Variants in ESRRG observed in about 807,000 individuals in gnomAD.
The protein encoded by ESRRG is estrogen related receptor gamma, also known as estrogen-related receptor gamma.
Under a neutral mutation model 44.0 loss-of-function variants are expected in ESRRG, and 13 were observed. That is an observed-to-expected ratio of 0.30 (90% CI 0.19 to 0.47). The LOEUF (loss-of-function observed/expected upper bound fraction) is 0.47. ESRRG is among the 20% of genes least tolerant of loss of function. The pLI is 1.00. For synonymous variants in ESRRG, 215 were observed against 214.6 expected (o/e 1.00, Z -0.02); for missense variants, 395 against 580.6 (o/e 0.68, Z 3.29).
At chr1:216,896,284 A>G (rs879735952) in intron 2 of ESRRG, among the ~76,000 whole-genome samples, 3 of 152,174 alleles carry the variant, frequency 2.0e-5, no homozygotes, top group Admixed American at 2.0e-4. Context: ...GGCCATTGCA[A>G]TTTTTCAGTC....
intron 3 of ESRRG, among the ~76,000 whole-genome samples, chr1:216,613,494 T>C (rs1007631095): frequency 2.0e-5 from 3 of 152,202 alleles, no homozygotes; most frequent in African/African-American, 7.2e-5. Flanking sequence ...TTCTGGGAAA[T>C]TGACCACAAA....
intron 2 of ESRRG, among the ~76,000 whole-genome samples, chr1:216,824,949 T>C (rs2095365009): frequency 6.6e-6 from 1 of 152,208 alleles, no homozygotes; most frequent in Non-Finnish European, 1.5e-5. Flanking sequence ...CTGCATGTAG[T>C]CTTGCTTGGA....
At chr1:216,694,708 C>G (rs886475808) in intron 1 of ESRRG, among the ~76,000 whole-genome samples, 2 of 151,928 alleles carry the variant, frequency 1.3e-5, no homozygotes, top group African/African-American at 4.8e-5. Context: ...AGGTGCGTGC[C>G]ACCACACCTG....
intron 3 of ESRRG, among the ~76,000 whole-genome samples, chr1:216,576,180 C>G (rs973803829): frequency 6.6e-6 from 1 of 152,004 alleles, no homozygotes; most frequent in African/African-American, 2.4e-5. Flanking sequence ...CCACTAAACT[C>G]CCCCAGCCAA....
chr1:216,924,015 A>G (rs2062183339), intron 2 of ESRRG, among the ~76,000 whole-genome samples: 1 of 152,218 alleles, frequency 6.6e-6, no homozygotes, highest in South Asian at 2.1e-4. Context: ...AAGAGCTTTC[A>G]AAATGAGGGA....
intron 2 of ESRRG, among the ~76,000 whole-genome samples, chr1:216,856,918 T>A (rs1374416838): frequency 3.9e-5 from 6 of 152,270 alleles, no homozygotes; most frequent in South Asian, 2.1e-4. Context: ...TGTCTTTTTT[T>A]AAAAATAAAT....
At chr1:216,783,266 C>T (rs981839012) in intron 2 of ESRRG, among the ~76,000 whole-genome samples, 1 of 151,910 alleles carries the variant, frequency 6.6e-6, no homozygotes, top group African/African-American at 2.4e-5. Flanking sequence ...CAGGAGGGAC[C>T]CTCCACAGAG....
chr1:217,130,909 A>T (rs747710952), intron 1 of ESRRG, among the ~76,000 whole-genome samples: 4 of 152,078 alleles, frequency 2.6e-5, no homozygotes, highest in Non-Finnish European at 4.4e-5. Context: ...TTTAACTATT[A>T]AGACGTTAGC....
intron 3 of ESRRG, among the ~76,000 whole-genome samples, chr1:216,645,340 C>T (rs1037052959): frequency 5.3e-5 from 8 of 152,036 alleles, no homozygotes; most frequent in Admixed American, 3.9e-4. Context: ...TAGTCATCAT[C>T]ATCATCATCA....
Position 216,644,427 on chromosome 1 carries a change from CTTTTTT to C in ESRRG, c.589+6540_589+6545del, listed in dbSNP as rs71161439. 1.7e-3 allele frequency among the ~76,000 whole-genome samples: 219 copies of C among 128,480 alleles called. 6 individuals carry two copies. The East Asian group carries it at 0.044, about 26-fold the overall frequency. 84.3% of individuals were successfully genotyped at this position (128,480 alleles called of 152,430 possible). A position where few individuals can be genotyped will look rare whatever the true frequency, so the allele number is the denominator to read the frequency against. The stretch of plus-strand genomic sequence containing the variant: ...AAAGATACTTTATGTTTCTTTCTTT[CTTTTTT>C]TTTTTTTTTTTCTGAGACAGAATCT... On this transcript the variant is annotated intron_variant, in intron 3 of 6. Transcript: ENST00000408911.
At chr1:216,907,188 A>G (rs551689695) in intron 2 of ESRRG, among the ~76,000 whole-genome samples, 78 of 152,274 alleles carry the variant, frequency 5.1e-4, no homozygotes, top group Admixed American at 4.0e-3. Flanking sequence ...ACTCTGGGAA[A>G]ATGAAAATAC....
intron 1 of ESRRG, among the ~76,000 whole-genome samples, chr1:217,077,482 C>G (rs2091414811): frequency 1.3e-5 from 2 of 152,114 alleles, no homozygotes; most frequent in African/African-American, 4.8e-5. Flanking sequence ...GTAATACGAC[C>G]ACCCTTGAAA....
chr1:216,917,894 T>A (rs1374584249), intron 2 of ESRRG, among the ~76,000 whole-genome samples: 1 of 152,222 alleles, frequency 6.6e-6, no homozygotes, highest in Non-Finnish European at 1.5e-5. Context: ...TCTTTTTAAA[T>A]ATAGTATATG....
intron 1 of ESRRG, among the ~76,000 whole-genome samples, chr1:216,682,353 T>C (rs1316090744): frequency 6.6e-6 from 1 of 152,234 alleles, no homozygotes; most frequent in Non-Finnish European, 1.5e-5. Flanking sequence ...TTAACACAAT[T>C]TCTATTCTTC....
intron 2 of ESRRG, among the ~76,000 whole-genome samples, chr1:216,922,797 G>A (rs550296417): frequency 1.5e-3 from 230 of 152,280 alleles, no homozygotes; most frequent in African/African-American, 2.9e-3. Flanking sequence ...AGTGTTTCCT[G>A]TGGGTTTTCT....
intron 2 of ESRRG, among the ~76,000 whole-genome samples, chr1:216,908,092 A>C (rs2059888321): frequency 6.6e-6 from 1 of 152,234 alleles, no homozygotes; most frequent in African/African-American, 2.4e-5. Flanking sequence ...GTACATTGAA[A>C]ATATTATTAC....
At chr1:217,089,721 C>T (rs2092298779), upstream of ESRRG, 1 of 152,082 alleles carries the variant, frequency 6.6e-6, no homozygotes, top group Non-Finnish European at 1.5e-5. Flanking sequence ...GCCCCCCGCT[C>T]TGCCCCCGCG....
chr1:216,565,121 C>A (rs911131173), intron 4 of ESRRG, among the ~76,000 whole-genome samples: 3 of 152,118 alleles, frequency 2.0e-5, no homozygotes, highest in Non-Finnish European at 4.4e-5. Context: ...TTCTCTGGTT[C>A]AGATTTATCT....
chr1:216,574,766 T>C (rs2061406389), intron 3 of ESRRG, among the ~76,000 whole-genome samples: 1 of 152,110 alleles, frequency 6.6e-6, no homozygotes, highest in African/African-American at 2.4e-5. Flanking sequence ...CTGTGTTAAA[T>C]AAATGTTATC....
Sources: gnomAD v4.1 joint callset for allele counts (sites outside exome capture counted in the v4.1 genomes callset) on GRCh38, gnomAD v4.1.1 for gene constraint, MANE v1.5 for transcripts, NCBI Gene and HGNC (gene_info 2026-07-23, HGNC 2026-07-21) for gene names.